TESK2: variants seen among roughly 807,000 people sequenced by gnomAD.
The protein encoded by TESK2 is dual specificity testis-specific protein kinase 2.
Under a neutral mutation model 57.1 loss-of-function variants are expected in TESK2, and 39 were observed. The ratio of observed to expected loss-of-function variants is 0.68; its 90% CI spans 0.53 to 0.89. TESK2 has a LOEUF of 0.89. TESK2 is among the 40% of genes least tolerant of loss of function. The probability of loss-of-function intolerance (pLI) is 0.00; values close to 1 mark genes in which losing one functional copy is unlikely to be tolerated. For synonymous variants in TESK2, 249 were observed against 267.9 expected (o/e 0.93, Z 0.69); for missense variants, 646 against 732.1 (o/e 0.88, Z 1.36).
intron 1 of TESK2, among the ~76,000 whole-genome samples, chr1:45,490,334 G>A (rs547807759): frequency 7.9e-5 from 12 of 152,268 alleles, no homozygotes; most frequent in South Asian, 4.1e-4. Context: ...GTAAAAAGCA[G>A]AGAGGGGAAA....
chr1:45,353,735 T>TAG (rs1647297023), intron 5 of TESK2, among the ~76,000 whole-genome samples: 1 of 152,252 alleles, frequency 6.6e-6, no homozygotes, highest in Non-Finnish European at 1.5e-5. Flanking sequence ...GATTGCCTTA[T>TAG]AGTTCCCCCA....
intron 2 of TESK2, among the ~76,000 whole-genome samples, chr1:45,436,007 C>A (rs1161023735): frequency 1.3e-5 from 2 of 151,870 alleles, no homozygotes; most frequent in African/African-American, 4.8e-5. Flanking sequence ...ATACAAATAT[C>A]ATGCTGTTGT....
At chr1:45,365,384 G>A (rs891154725) in intron 4 of TESK2, among the ~76,000 whole-genome samples, 4 of 152,180 alleles carry the variant, frequency 2.6e-5, no homozygotes, top group African/African-American at 7.2e-5. Context: ...GTAAAACGTT[G>A]TTAATAACCC....
chr1:45,488,254 A>G (rs1409507660), intron 1 of TESK2, among the ~76,000 whole-genome samples: 1 of 151,912 alleles, frequency 6.6e-6, no homozygotes, highest in East Asian at 1.9e-4. Flanking sequence ...ATTCTCTTTC[A>G]TTTTCCATTT....
At position 45,421,144 on chromosome 1, in the gene TESK2, G is replaced by A. The variant is rs1056430923; in HGVS notation, c.344+581C>T. 1.4e-4 allele frequency among the ~76,000 whole-genome samples: 21 copies of A among 152,160 alleles called. No individual in the cohort carries two copies. In the South Asian group the frequency reaches 1.7e-3, roughly 12 times the overall value. ...TGGTGGTGCGCCTGTAGTTCCAGCT[G>A]CTCAGGAGTCTGAGGTGGGGAAGCT... On this transcript the variant is annotated intron_variant, in intron 3 of 10. Coordinates refer to ENST00000372086, the MANE Select transcript of TESK2 (RefSeq NM_007170.3).
chr1:45,345,984 T>C lies in TESK2; in HGVS notation c.890A>G (p.Lys297Arg), dbSNP rs772464710. The C allele has an allele frequency of 3.7e-6, 6 of 1,613,926 alleles. No homozygotes were observed. In the South Asian group the frequency reaches 6.6e-5, roughly 18 times the overall value. ...AATCTCCACAAAAGATGGGCGCAGT[T>C]TGGGATCCATCTGTAGGTATCCACA... Reference protein sequence around the residue: ...LTFNCCNMDPKLRPSFVEIGK... With the variant: ...LTFNCCNMDPRLRPSFVEIGK... The change falls in exon 10 of 11, where the codon AAA becomes AGA. Residue 297 changes from lysine to arginine, a missense_variant. Lys to Arg is a conservative substitution (Grantham distance 26). Transcript: ENST00000372086.
chr1:45,429,611 T>C (rs1045659049), intron 2 of TESK2, among the ~76,000 whole-genome samples: 1 of 152,144 alleles, frequency 6.6e-6, no homozygotes, highest in East Asian at 1.9e-4. Flanking sequence ...ATTGAGTTCC[T>C]GCACTAGGCT....
chr1:45,375,430 T>A (rs1013081180), intron 4 of TESK2, among the ~76,000 whole-genome samples: 1 of 151,818 alleles, frequency 6.6e-6, no homozygotes, highest in Non-Finnish European at 1.5e-5. Flanking sequence ...ACCCTTTTTT[T>A]TTTTTTTTTG....
intron 1 of TESK2, among the ~76,000 whole-genome samples, chr1:45,481,654 T>A (rs1166634017): frequency 6.6e-6 from 1 of 152,146 alleles, no homozygotes; most frequent in Non-Finnish European, 1.5e-5. Flanking sequence ...ATATATTTTT[T>A]AAATTTTTGG....
intron 3 of TESK2, among the ~76,000 whole-genome samples, chr1:45,412,279 G>C (rs1388513376): frequency 6.6e-6 from 1 of 152,186 alleles, no homozygotes; most frequent in Non-Finnish European, 1.5e-5. Context: ...TGAAAGTGAA[G>C]AAGGCTGAAT....
At chr1:45,477,036 C>T (rs1390023149) in intron 1 of TESK2, among the ~76,000 whole-genome samples, 18 of 116,504 alleles carry the variant, frequency 1.5e-4, no homozygotes, top group Admixed American at 1.5e-3. Context: ...TCCTGGCCAA[C>T]GTGGTGAAAC....
intron 4 of TESK2, among the ~76,000 whole-genome samples, chr1:45,361,958 C>T (rs1647707221): frequency 6.6e-6 from 1 of 152,094 alleles, no homozygotes; most frequent in Non-Finnish European, 1.5e-5. Context: ...GGCAACATAG[C>T]AAGACCCCCA....
At chr1:45,385,461 T>C in intron 4 of TESK2, 1 of 421,532 alleles carries the variant, frequency 2.4e-6, no homozygotes, top group Non-Finnish European at 3.2e-6. Flanking sequence ...GAATTCTAGA[T>C]CAGGACAGCA....
Position 45,355,329 on chromosome 1 carries a change from T to C in TESK2, c.514A>G (p.Ile172Val), listed in dbSNP as rs766941117. ...VGLSYLHFKG[I>V]FHRDLTSKNC... ...TTAGATGTGAGGTCCCGATGAAAAA[T>C]GCCTTTGAAGTGAAGGTAGCTGAGG... Residue 172 changes from isoleucine (I) to valine (V), a missense_variant, in exon 5 of 11, where the codon ATT becomes GTT. Physicochemically the swap from Ile to Val is conservative, Grantham distance 29 (BLOSUM62 3). Transcript: ENST00000372086. The C allele has an allele frequency of 3.1e-6, 5 of 1,613,860 alleles. No individual in the cohort carries two copies. Among genetic ancestry groups the C allele is most frequent in the Admixed American group, 1.7e-5 (1 of 59,980 alleles).
intron 4 of TESK2, among the ~76,000 whole-genome samples, chr1:45,367,802 T>C (rs1332284762): frequency 3.9e-4 from 51 of 130,402 alleles, no homozygotes; most frequent in Middle Eastern, 0.01. Flanking sequence ...GGATTACAGG[T>C]GCCTCCCACC....
Position 45,347,916 on chromosome 1 carries a change from ACC to A in TESK2, c.623_623+1del. ...ACCCCAGCATCCAGTAGGGCTACAC[ACC>A]TGACATCGGGGATCTTCTCAGCCAG... On this transcript the variant is annotated splice_donor_variant and coding_sequence_variant, in exon 6 of 11. Coordinates refer to ENST00000372086, the MANE Select transcript of TESK2 (RefSeq NM_007170.3). LOFTEE classifies it high-confidence loss of function. 1.9e-6 allele frequency: 3 copies of A among 1,610,476 alleles called. No individual in the cohort carries two copies. In the South Asian group the frequency reaches 3.3e-5, roughly 18 times the overall value.
At chr1:45,346,394 T>A (rs937703676) in intron 9 of TESK2, among the ~76,000 whole-genome samples, 1 of 152,166 alleles carries the variant, frequency 6.6e-6, no homozygotes, top group Non-Finnish European at 1.5e-5. Flanking sequence ...TCAGGACCAG[T>A]TGGATCCACA....
chr1:45,383,922 ATATGT>A (rs1648758424), intron 4 of TESK2, among the ~76,000 whole-genome samples: 1 of 152,096 alleles, frequency 6.6e-6, no homozygotes, highest in Non-Finnish European at 1.5e-5. Flanking sequence ...ACTTTTTCTG[ATATGT>A]TATACTTCAG....
At chr1:45,472,860 G>A (rs920275985) in intron 1 of TESK2, among the ~76,000 whole-genome samples, 2 of 151,770 alleles carry the variant, frequency 1.3e-5, no homozygotes, top group Admixed American at 6.6e-5. Flanking sequence ...CTAGCATGCC[G>A]GGCGCGGTGG....
Sources: allele counts gnomAD v4.1 joint callset (sites outside exome capture counted in the v4.1 genomes callset), GRCh38; gene constraint gnomAD v4.1.1; transcripts MANE v1.5; gene names NCBI Gene and HGNC (gene_info 2026-07-23, HGNC 2026-07-21).